The following ROBO2 variants were observed in gnomAD, a reference collection of about 807,000 sequenced individuals.
ROBO2 encodes roundabout homolog 2.
A neutral mutation model predicts 160.8 loss-of-function variants in ROBO2; 53 were observed. That is an observed-to-expected ratio of 0.33 (90% confidence interval 0.26 to 0.41). ROBO2 has a LOEUF of 0.41. Among genes scored for constraint, ROBO2 ranks in the 10% least tolerant of loss-of-function variants. The probability of loss-of-function intolerance (pLI) is 1.00; values close to 1 mark genes in which losing one functional copy is unlikely to be tolerated. For synonymous variants in ROBO2, 664 were observed against 611.7 expected, an observed-to-expected ratio of 1.09 and a Z score of -1.26; for missense variants, 1,577 against 1,722.4, an observed-to-expected ratio of 0.92 and a Z score of 1.49.
Position 76,992,325 on chromosome 3 carries a change from C to CTATATA in ROBO2, c.110-105650_110-105645dup, listed in dbSNP as rs10530833. 3.4e-3 allele frequency among the ~76,000 whole-genome samples: 161 copies of CTATATA among 46,790 alleles called. 1 individual carries two copies. Among genetic ancestry groups the CTATATA allele is most frequent in the South Asian group, 5.6e-3 (7 of 1,246 alleles). The allele number at this position is 46,790 out of a possible 152,430, so 30.7% of individuals were successfully genotyped here. A position where few individuals can be genotyped will look rare whatever the true frequency, so the allele number is the denominator to read the frequency against. On this transcript the variant is annotated intron_variant, in intron 2 of 26. Coordinates refer to the ROBO2 transcript ENST00000487694. ...AGAAGCTATCTATATCCATGTATTA[C>CTATATA]TATATATATATATATATATATATAT...
intron 2 of ROBO2, among the ~76,000 whole-genome samples, chr3:76,138,318 G>C (rs924820904): frequency 1.3e-5 from 2 of 151,838 alleles, no homozygotes; most frequent in Admixed American, 1.3e-4. Context: ...CAAATATCTG[G>C]TTAATTTGAG....
chr3:76,913,822 A>G (rs1408378191), intron 2 of ROBO2, among the ~76,000 whole-genome samples: 8 of 152,178 alleles, frequency 5.3e-5, no homozygotes, highest in African/African-American at 1.9e-4. Context: ...GTAACTGTGA[A>G]TAATACTCCT....
intron 2 of ROBO2, among the ~76,000 whole-genome samples, chr3:76,905,806 G>A (rs916627712): frequency 5.9e-5 from 9 of 152,058 alleles, no homozygotes; most frequent in African/African-American, 1.2e-4. Flanking sequence ...TTATGAGTGC[G>A]GAGTTACTAG....
chr3:76,202,335 G>T (rs553013600), intron 2 of ROBO2, among the ~76,000 whole-genome samples: 39 of 152,228 alleles, frequency 2.6e-4, no homozygotes, highest in African/African-American at 8.9e-4. Context: ...AAGCAAGGAG[G>T]ATATCTTACC....
chr3:76,799,842 C>T (rs984873784), intron 2 of ROBO2, among the ~76,000 whole-genome samples: 1 of 152,002 alleles, frequency 6.6e-6, no homozygotes, highest in Non-Finnish European at 1.5e-5. Context: ...TACCAAAATG[C>T]CAATCTTTAC....
intron 2 of ROBO2, among the ~76,000 whole-genome samples, chr3:76,550,486 C>T (rs1403469361): frequency 2.6e-5 from 4 of 152,218 alleles, no homozygotes; most frequent in Non-Finnish European, 4.4e-5. Flanking sequence ...GCTGGAAAGG[C>T]GTGGCTGGGA....
chr3:75,957,554 C>G (rs1169505971), intron 2 of ROBO2, among the ~76,000 whole-genome samples: 2 of 150,648 alleles, frequency 1.3e-5, no homozygotes, highest in African/African-American at 2.4e-5. Flanking sequence ...AAGTCAATGA[C>G]ATTTAGTGTT....
At chr3:76,046,237 A>G (rs1047145637) in intron 2 of ROBO2, among the ~76,000 whole-genome samples, 4 of 152,034 alleles carry the variant, frequency 2.6e-5, no homozygotes, top group Non-Finnish European at 5.9e-5. Context: ...GCAGCTTGAT[A>G]CTTTTCAGAC....
chr3:76,533,722 G>A (rs1451317929), intron 2 of ROBO2, among the ~76,000 whole-genome samples: 1 of 152,138 alleles, frequency 6.6e-6, no homozygotes, highest in Non-Finnish European at 1.5e-5. Flanking sequence ...GGCTCGGGTA[G>A]GCAGTGGAAA....
chr3:76,970,957 A>G (rs1020614085), intron 2 of ROBO2, among the ~76,000 whole-genome samples: 2 of 152,174 alleles, frequency 1.3e-5, no homozygotes, highest in Non-Finnish European at 2.9e-5. Flanking sequence ...ATTGAGTTGG[A>G]TAAGAACTAA....
chr3:76,163,139 T>C (rs2072702058), intron 2 of ROBO2, among the ~76,000 whole-genome samples: 1 of 152,108 alleles, frequency 6.6e-6, no homozygotes, highest in African/African-American at 2.4e-5. Flanking sequence ...TGTTTATCAT[T>C]GTTTGTTGCA....
intron 2 of ROBO2, among the ~76,000 whole-genome samples, chr3:77,415,126 G>A (rs2077107859): frequency 6.6e-6 from 1 of 152,186 alleles, no homozygotes; most frequent in South Asian, 2.1e-4. Context: ...ACTGTAATTA[G>A]TGTCAGTTGT....
chr3:77,592,675 C>T (rs2153685965), intron 17 of ROBO2, among the ~76,000 whole-genome samples: 2 of 152,246 alleles, frequency 1.3e-5, no homozygotes, highest in Admixed American at 1.3e-4. Context: ...CCTCAGCCTC[C>T]CGAATAGCTG....
intron 2 of ROBO2, among the ~76,000 whole-genome samples, chr3:76,179,166 C>G (rs1701379399): frequency 6.6e-6 from 1 of 151,970 alleles, no homozygotes; most frequent in Non-Finnish European, 1.5e-5. Flanking sequence ...AATAATGAGA[C>G]ATATTCCTGA....
chr3:77,086,969 T>C lies in ROBO2; in HGVS notation c.62-11045T>C, dbSNP rs577463060. On this transcript the variant is annotated intron_variant, in intron 1 of 25. Transcript: ENST00000461745. ...AAATTTATCAAGAGTTTCTGACAAA[T>C]GTATTAACTAAGTATTTAACAAAGC... is the stretch of plus-strand genomic sequence containing the variant. 2.0e-5 allele frequency among the ~76,000 whole-genome samples: 3 copies of C among 152,310 alleles called. No individual in the cohort carries two copies. The South Asian group carries it at 6.2e-4, about 32-fold the overall frequency.
intron 2 of ROBO2, among the ~76,000 whole-genome samples, chr3:76,316,678 A>T (rs904226559): frequency 1.3e-5 from 2 of 152,212 alleles, no homozygotes; most frequent in African/African-American, 2.4e-5. Context: ...ATAAGAAATT[A>T]TAAGAGTATT....
intron 2 of ROBO2, among the ~76,000 whole-genome samples, chr3:76,182,671 A>C (rs1701566586): frequency 6.6e-6 from 1 of 152,118 alleles, no homozygotes; most frequent in Admixed American, 6.6e-5. Context: ...TCCGCGACCA[A>C]CCAATGCCCT....
intron 2 of ROBO2, among the ~76,000 whole-genome samples, chr3:77,305,796 A>C (rs1487344842): frequency 1.3e-5 from 2 of 152,218 alleles, no homozygotes; most frequent in African/African-American, 2.4e-5. Context: ...ATAGCACTAA[A>C]AATTTAAATT....
chr3:77,377,423 C>T (rs1346306604), intron 2 of ROBO2, among the ~76,000 whole-genome samples: 1 of 152,124 alleles, frequency 6.6e-6, no homozygotes, highest in East Asian at 1.9e-4. Context: ...ATATACTATA[C>T]AATTTTTTGT....
Sources: gnomAD v4.1 joint callset for allele counts (sites outside exome capture counted in the v4.1 genomes callset) on GRCh38, gnomAD v4.1.1 for gene constraint, MANE v1.5 for transcripts, NCBI Gene and HGNC (gene_info 2026-07-23, HGNC 2026-07-21) for gene names.